The following AP3B1 variants were observed in gnomAD, a reference collection of about 807,000 sequenced individuals.
AP3B1 encodes the protein AP-3 complex subunit beta-1.
Under a neutral mutation model 132.5 loss-of-function variants are expected in AP3B1, and 61 were observed. That is an observed-to-expected ratio of 0.46 (90% confidence interval 0.37 to 0.57). The LOEUF is 0.57. Ranked by LOEUF, AP3B1 falls within the 20% of genes least tolerant of loss-of-function variation. The probability of loss-of-function intolerance (pLI) is 0.00; values close to 1 mark genes in which losing one functional copy is unlikely to be tolerated. For missense variants in AP3B1, 1,120 were observed against 1,289.4 expected, an observed-to-expected ratio of 0.87 and a Z score of 2.01; for synonymous variants, 388 against 438.3, an observed-to-expected ratio of 0.89 and a Z score of 1.43.
chr5:78,025,239 C>T (rs1462276064), intron 24 of AP3B1, among the ~76,000 whole-genome samples: 8 of 152,208 alleles, frequency 5.3e-5, no homozygotes, highest in Non-Finnish European at 1.5e-5. Flanking sequence ...CTTCCCAACA[C>T]TCCTGAAGGA....
At chr5:78,086,868 T>G (rs1182000901) in intron 22 of AP3B1, among the ~76,000 whole-genome samples, 2 of 152,180 alleles carry the variant, frequency 1.3e-5, no homozygotes, top group Non-Finnish European at 2.9e-5. Context: ...TGGCAAGATT[T>G]TAACAGGCTC....
In AP3B1 at chr5:78,172,340, G is replaced by T. The variant is rs1743953244; in HGVS notation, c.1167+3286C>A. Among the ~76,000 whole-genome samples, 6 of 152,172 alleles carry T rather than the reference G, an allele frequency of 3.9e-5. No individual in the cohort carries two copies. In the South Asian group the frequency reaches 1.2e-3, roughly 32 times the overall value. Reference sequence around the variant, plus strand: ...GCACCAGCTCCTCTTTGTACCTCTGGTAGAATTCGGCAGTGAATCCGTCTG... The same window carrying T: ...GCACCAGCTCCTCTTTGTACCTCTGTTAGAATTCGGCAGTGAATCCGTCTG... On this transcript the variant is annotated intron_variant, in intron 11 of 26. Transcript: ENST00000255194.
intron 11 of AP3B1, among the ~76,000 whole-genome samples, chr5:78,168,821 C>T (rs534856617): frequency 8.7e-4 from 132 of 152,308 alleles, no homozygotes; most frequent in Middle Eastern, 6.8e-3. Flanking sequence ...TTCAATATCA[C>T]ATACTGTATT....
intron 7 of AP3B1, among the ~76,000 whole-genome samples, chr5:78,184,474 C>T (rs900317989): frequency 1.1e-4 from 17 of 151,852 alleles, no homozygotes; most frequent in Admixed American, 5.9e-4. Flanking sequence ...ATCACGAGGT[C>T]AGGAGATTGA....
chr5:78,113,254 A>T (rs1419591707), intron 19 of AP3B1, among the ~76,000 whole-genome samples: 2 of 152,250 alleles, frequency 1.3e-5, no homozygotes, highest in Non-Finnish European at 2.9e-5. Context: ...ACACTTTAAT[A>T]CATGATAATG....
chr5:78,126,090 A>T (rs1007895985), intron 17 of AP3B1, among the ~76,000 whole-genome samples: 1 of 128,222 alleles, frequency 7.8e-6, no homozygotes, highest in African/African-American at 3.5e-5. Flanking sequence ...CCCATAATGA[A>T]AAAAAAAAAC....
intron 24 of AP3B1, among the ~76,000 whole-genome samples, chr5:78,029,611 C>A (rs78365849): frequency 3.9e-5 from 6 of 152,032 alleles, no homozygotes. Flanking sequence ...ATTTGCCATG[C>A]TTTTTCCTCT....
intron 15 of AP3B1, among the ~76,000 whole-genome samples, chr5:78,131,475 T>C (rs1752684897): frequency 6.6e-6 from 1 of 152,072 alleles, no homozygotes; most frequent in African/African-American, 2.4e-5. Flanking sequence ...TTAAAAACTG[T>C]CAATATTTCA....
At chr5:78,250,044 T>G (rs771773473) in intron 2 of AP3B1, among the ~76,000 whole-genome samples, 2 of 152,176 alleles carry the variant, frequency 1.3e-5, no homozygotes, top group Non-Finnish European at 2.9e-5. Flanking sequence ...TCACATAAGA[T>G]AACATTTTAG....
chr5:78,098,926 A>G (rs1001014589), intron 21 of AP3B1, among the ~76,000 whole-genome samples: 1 of 152,222 alleles, frequency 6.6e-6, no homozygotes, highest in African/African-American at 2.4e-5. Flanking sequence ...GAATAACAAG[A>G]ATAACAAGAA....
intron 14 of AP3B1, among the ~76,000 whole-genome samples, chr5:78,147,681 C>T (rs1753465283): frequency 6.6e-6 from 1 of 152,022 alleles, no homozygotes; most frequent in Non-Finnish European, 1.5e-5. Context: ...AAAAAATAAG[C>T]TTTGCTATAT....
intron 26 of AP3B1, among the ~76,000 whole-genome samples, chr5:78,011,341 C>T (rs569579277): frequency 1.3e-5 from 2 of 152,188 alleles, no homozygotes; most frequent in African/African-American, 4.8e-5. Flanking sequence ...CCACCATGCC[C>T]GGCCACTCTG....
intron 20 of AP3B1, among the ~76,000 whole-genome samples, chr5:78,104,177 T>C (rs914356502): frequency 2.4e-4 from 36 of 152,182 alleles, no homozygotes; most frequent in African/African-American, 8.7e-4. Context: ...TATTTTCAAT[T>C]AGAATTATCA....
At chr5:78,095,793 G>A (rs1400988896) in intron 21 of AP3B1, among the ~76,000 whole-genome samples, 1 of 152,142 alleles carries the variant, frequency 6.6e-6, no homozygotes, top group Non-Finnish European at 1.5e-5. Context: ...AGGCTGAACT[G>A]ACTTGTTAAC....
intron 7 of AP3B1, among the ~76,000 whole-genome samples, chr5:78,203,439 G>A (rs189503222): frequency 1.4e-4 from 22 of 152,132 alleles, no homozygotes; most frequent in African/African-American, 5.1e-4. Context: ...AGAACAGTAG[G>A]GGGAAAACTG....
intron 2 of AP3B1, among the ~76,000 whole-genome samples, chr5:78,251,201 T>C (rs1747617470): frequency 6.7e-6 from 1 of 150,346 alleles, no homozygotes; most frequent in Admixed American, 6.7e-5. Context: ...TAAAAACATC[T>C]ACATATCCAG....
intron 15 of AP3B1, among the ~76,000 whole-genome samples, chr5:78,138,038 C>T (rs980244497): frequency 7.9e-5 from 12 of 152,094 alleles, no homozygotes; most frequent in Non-Finnish European, 1.5e-4. Flanking sequence ...TTAAAGATGG[C>T]TAAAATAAAT....
intron 22 of AP3B1, among the ~76,000 whole-genome samples, chr5:78,072,712 CTTTTTTTTT>C (rs34203981): frequency 7.3e-5 from 5 of 68,286 alleles, no homozygotes; most frequent in South Asian, 1.3e-3. Context: ...CTGATATATT[CTTTTTTTTT>C]TTTTTTTTTT....
chr5:78,086,397 T>A (rs918166458), intron 22 of AP3B1, among the ~76,000 whole-genome samples: 7 of 152,216 alleles, frequency 4.6e-5, no homozygotes, highest in Non-Finnish European at 8.8e-5. Flanking sequence ...AATCATTTAA[T>A]ACCAACAACA....
Sources: allele counts gnomAD v4.1 joint callset (sites outside exome capture counted in the v4.1 genomes callset), GRCh38; gene constraint gnomAD v4.1.1; transcripts MANE v1.5; gene names NCBI Gene and HGNC (gene_info 2026-07-23, HGNC 2026-07-21).